ATP6V0E1: variants seen among roughly 807,000 people sequenced by gnomAD.
ATP6V0E1 encodes the protein ATPase H+ transporting V0 subunit e1.
A neutral mutation model predicts 11.6 loss-of-function variants in ATP6V0E1; 4 were observed. That is an observed-to-expected ratio of 0.35 (90% CI 0.17 to 0.79). The LOEUF is 0.79. Among genes scored for constraint, ATP6V0E1 ranks in the 30% least tolerant of loss-of-function variants. ATP6V0E1 has a pLI of 0.54. For synonymous variants in ATP6V0E1, 36 were observed against 34.8 expected, an observed-to-expected ratio of 1.04 and a Z score of -0.13; for missense variants, 105 against 100.0, an observed-to-expected ratio of 1.05 and a Z score of -0.21.
rs988340752 is a variant in ATP6V0E1, at chr5:172,990,921, A to G, written c.105-3854A>G. On this transcript the variant is annotated intron_variant, in intron 1 of 3. Coordinates refer to ENST00000519374, the MANE Select transcript of ATP6V0E1 (RefSeq NM_003945.4). ...GGCCTCAGCCTCCCAAAGTGCTAAG[A>G]TTACAGGCTTGAGCCACCATACCTG... 6.0e-5 allele frequency among the ~76,000 whole-genome samples: 9 copies of G among 151,056 alleles called. No homozygotes were observed. In the East Asian group the frequency reaches 1.7e-3, roughly 29 times the overall value.
chr5:172,994,917 T>A, intron 2 of ATP6V0E1, 95 bp downstream of exon 2: 1 of 962,998 alleles, frequency 1.0e-6, no homozygotes, highest in Non-Finnish European at 1.6e-6. Flanking sequence ...ATGTAATATC[T>A]AGAAATAGTG....
intron 1 of ATP6V0E1, among the ~76,000 whole-genome samples, chr5:172,993,387 T>TA (rs59603555): frequency 0.062 from 9,476 of 151,834 alleles, 344 homozygotes; most frequent in South Asian, 0.1. Flanking sequence ...TGCATGCCCA[T>TA]AATCTCAGCT....
intron 1 of ATP6V0E1, among the ~76,000 whole-genome samples, chr5:172,985,144 C>T (rs1755874865): frequency 6.6e-6 from 1 of 150,892 alleles, no homozygotes; most frequent in South Asian, 2.1e-4. Context: ...ACTCGGGAGG[C>T]TGAGGCAGGA....
chr5:173,023,340 T>C (rs1756511302), intron 3 of ATP6V0E1, among the ~76,000 whole-genome samples: 1 of 152,172 alleles, frequency 6.6e-6, no homozygotes, highest in Non-Finnish European at 1.5e-5. Context: ...ACTACAGGTG[T>C]GTGCTACCAC....
intron 2 of ATP6V0E1, among the ~76,000 whole-genome samples, chr5:173,001,287 C>G (rs1279055619): frequency 6.6e-6 from 1 of 152,086 alleles, no homozygotes; most frequent in East Asian, 1.9e-4. Context: ...GCCAGAGAGG[C>G]CCGATCACTC....
At chr5:173,021,358 C>T (rs936796191) in intron 3 of ATP6V0E1, among the ~76,000 whole-genome samples, 7 of 151,304 alleles carry the variant, frequency 4.6e-5, no homozygotes, top group East Asian at 3.9e-4. Flanking sequence ...GCTGGGGAGG[C>T]CTCACAATAA....
At chr5:172,996,128 C>T (rs1756061446) in intron 2 of ATP6V0E1, among the ~76,000 whole-genome samples, 1 of 152,000 alleles carries the variant, frequency 6.6e-6, no homozygotes, top group South Asian at 2.1e-4. Context: ...TGGCCATTTC[C>T]AAGAAACACC....
At chr5:173,027,310 A>C (rs955001689) in intron 3 of ATP6V0E1, among the ~76,000 whole-genome samples, 5 of 147,082 alleles carry the variant, frequency 3.4e-5, no homozygotes, top group Non-Finnish European at 7.5e-5. Flanking sequence ...ACACGGTGAA[A>C]CCCTGTCTCT....
At chr5:172,997,769 C>T (rs1301672718) in intron 2 of ATP6V0E1, among the ~76,000 whole-genome samples, 2 of 150,582 alleles carry the variant, frequency 1.3e-5, no homozygotes, top group South Asian at 2.1e-4. Flanking sequence ...GCCGAGATTG[C>T]ACCACTGCAC....
At chr5:173,004,213 T>C (rs1433741049) in intron 2 of ATP6V0E1, among the ~76,000 whole-genome samples, 1 of 152,182 alleles carries the variant, frequency 6.6e-6, no homozygotes, top group Non-Finnish European at 1.5e-5. Flanking sequence ...GGGATCAGGC[T>C]GGTGATCAGC....
rs375411230 is a variant in ATP6V0E1, at chr5:173,021,256, A to G, written c.*36+889A>G. ...TTCACTCGTTACTATGGGGAGGTAT[A>G]TTAGCCCATTTTCACGCTGCTGATA... On this transcript the variant is annotated intron_variant, in intron 3 of 3. Coordinates refer to ENST00000519374, the MANE Select transcript of ATP6V0E1 (RefSeq NM_003945.4). Among the ~76,000 whole-genome samples, 14 of 152,258 alleles carry G rather than the reference A, an allele frequency of 9.2e-5. No homozygotes were observed. In the South Asian group the frequency reaches 2.9e-3, roughly 32 times the overall value.
At chr5:172,984,008 G>A in intron 1 of ATP6V0E1, 44 bp downstream of exon 1, 2 of 1,582,900 alleles carry the variant, frequency 1.3e-6, no homozygotes, top group Non-Finnish European at 1.7e-6. Flanking sequence ...GCGGTGAGGA[G>A]CTAGCAGGCC....
chr5:172,999,606 C>T (rs1161487110), intron 2 of ATP6V0E1, among the ~76,000 whole-genome samples: 2 of 152,202 alleles, frequency 1.3e-5, no homozygotes, highest in African/African-American at 2.4e-5. Flanking sequence ...GGATTACAGG[C>T]GTGAGCCACC....
chr5:173,030,880 C>T (rs1425184875), intron 3 of ATP6V0E1, among the ~76,000 whole-genome samples: 1 of 152,110 alleles, frequency 6.6e-6, no homozygotes, highest in Non-Finnish European at 1.5e-5. Context: ...TCCCGTATAG[C>T]TGGGACTACA....
chr5:173,001,910 G>T (rs1331214597), intron 2 of ATP6V0E1, among the ~76,000 whole-genome samples: 1 of 152,224 alleles, frequency 6.6e-6, no homozygotes, highest in African/African-American at 2.4e-5. Context: ...TAGGGATGAG[G>T]TTTCTCCATG....
chr5:173,006,357 TC>T (rs753816184), intron 2 of ATP6V0E1, among the ~76,000 whole-genome samples: 1 of 152,166 alleles, frequency 6.6e-6, no homozygotes, highest in Non-Finnish European at 1.5e-5. Flanking sequence ...ACGCCTGTAA[TC>T]CCAGCACTTT....
intron 2 of ATP6V0E1, among the ~76,000 whole-genome samples, chr5:172,996,574 A>AATACATAC (rs534005934): frequency 1.3e-5 from 2 of 151,706 alleles, no homozygotes; most frequent in South Asian, 2.1e-4. Context: ...AAAAAAAAAA[A>AATACATAC]ATACATACAT....
At chr5:173,031,704 A>G (rs1304588484) in intron 3 of ATP6V0E1, among the ~76,000 whole-genome samples, 1 of 151,658 alleles carries the variant, frequency 6.6e-6, no homozygotes, top group Non-Finnish European at 1.5e-5. Context: ...CTGTAGTCCC[A>G]GCTACTCGGG....
chr5:173,032,988 T>C (rs1756688500), intron 3 of ATP6V0E1, among the ~76,000 whole-genome samples: 1 of 152,150 alleles, frequency 6.6e-6, no homozygotes, highest in African/African-American at 2.4e-5. Context: ...CCCAGCTACT[T>C]GGGAGGCTGA....
Sources: allele counts gnomAD v4.1 joint callset (sites outside exome capture counted in the v4.1 genomes callset), GRCh38; gene constraint gnomAD v4.1.1; transcripts MANE v1.5; gene names NCBI Gene and HGNC (gene_info 2026-07-23, HGNC 2026-07-21).